Variants in FSTL5 observed in about 807,000 individuals in gnomAD.
The protein encoded by FSTL5 is follistatin-related protein 5.
In FSTL5, 62 loss-of-function variants were observed where a neutral mutation model predicts 89.1. That is an observed-to-expected ratio of 0.70 (90% CI 0.57 to 0.86). FSTL5 has a LOEUF of 0.86. Among genes scored for constraint, FSTL5 ranks in the 40% least tolerant of loss-of-function variants. The pLI, the probability that FSTL5 is intolerant of heterozygous loss-of-function variation, is 0.00. For missense variants in FSTL5, 1,057 were observed against 1,001.6 expected (o/e 1.06, Z -0.75); for synonymous variants, 383 against 346.2 (o/e 1.11, Z -1.18).
chr4:161,663,471 C>T (rs1228026224), intron 6 of FSTL5, among the ~76,000 whole-genome samples: 1 of 152,140 alleles, frequency 6.6e-6, no homozygotes, highest in Non-Finnish European at 1.5e-5. Context: ...GGGCCAGTCA[C>T]ATTTTAAAGC....
chr4:161,613,821 G>A (rs2126638077), intron 7 of FSTL5, among the ~76,000 whole-genome samples: 1 of 152,158 alleles, frequency 6.6e-6, no homozygotes, highest in East Asian at 1.9e-4. Context: ...AGTAAAAAAA[G>A]TACCTAAATC....
chr4:161,730,259 A>G (rs918571158), intron 6 of FSTL5, among the ~76,000 whole-genome samples: 1 of 152,056 alleles, frequency 6.6e-6, no homozygotes, highest in Non-Finnish European at 1.5e-5. Flanking sequence ...ATTATTTTGG[A>G]AACTCTAGTA....
intron 6 of FSTL5, among the ~76,000 whole-genome samples, chr4:161,729,606 A>G (rs1579052695): frequency 6.6e-6 from 1 of 152,204 alleles, no homozygotes; most frequent in South Asian, 2.1e-4. Flanking sequence ...AGGAAGAACA[A>G]AAGTAGATAT....
At chr4:161,729,425 A>G (rs1014540308) in intron 6 of FSTL5, among the ~76,000 whole-genome samples, 1 of 152,166 alleles carries the variant, frequency 6.6e-6, no homozygotes, top group Admixed American at 6.5e-5. Flanking sequence ...GATCATGTCC[A>G]GTTTTAAGCT....
At chr4:161,774,894 T>A (rs143928712) in intron 5 of FSTL5, among the ~76,000 whole-genome samples, 134 of 152,214 alleles carry the variant, frequency 8.8e-4, no homozygotes, top group African/African-American at 3.1e-3. Flanking sequence ...TAAATTCCAA[T>A]GCCTAGGATT....
chr4:162,083,191 A>G (rs1175030606), intron 2 of FSTL5, among the ~76,000 whole-genome samples: 1 of 151,826 alleles, frequency 6.6e-6, no homozygotes, highest in African/African-American at 2.4e-5. Flanking sequence ...TATCATTTAC[A>G]ATATTGATTT....
At chr4:161,766,974 T>C (rs1741036716) in intron 5 of FSTL5, among the ~76,000 whole-genome samples, 1 of 152,124 alleles carries the variant, frequency 6.6e-6, no homozygotes, top group Admixed American at 6.5e-5. Flanking sequence ...CCTTTGAATC[T>C]CAGGCCATTC....
chr4:162,123,406 C>T (rs558769070), intron 1 of FSTL5, among the ~76,000 whole-genome samples: 6 of 152,048 alleles, frequency 3.9e-5, no homozygotes, highest in African/African-American at 1.4e-4. Flanking sequence ...CAGAGAGATC[C>T]CAGAAAGAGA....
At chr4:161,865,191 T>C (rs1407812522) in intron 4 of FSTL5, among the ~76,000 whole-genome samples, 6 of 152,044 alleles carry the variant, frequency 3.9e-5, no homozygotes, top group African/African-American at 1.4e-4. Context: ...AAATACACAA[T>C]GCTCAGAAGA....
intron 7 of FSTL5, among the ~76,000 whole-genome samples, chr4:161,631,687 T>C (rs1434425653): frequency 1.3e-5 from 2 of 152,330 alleles, no homozygotes; most frequent in East Asian, 1.9e-4. Context: ...TTATTAGATT[T>C]ATTTAGTTAT....
At chr4:161,624,579 C>T (rs1735249317) in intron 7 of FSTL5, among the ~76,000 whole-genome samples, 1 of 151,494 alleles carries the variant, frequency 6.6e-6, no homozygotes, top group Non-Finnish European at 1.5e-5. Context: ...ATACTAAAAA[C>T]TTTAATACAT....
chr4:162,057,333 C>T (rs1738578358), intron 2 of FSTL5, among the ~76,000 whole-genome samples: 1 of 152,136 alleles, frequency 6.6e-6, no homozygotes, highest in Non-Finnish European at 1.5e-5. Flanking sequence ...CTCCGTCTCC[C>T]CTGCCATTAC....
chr4:161,592,364 T>C (rs1464161335), intron 7 of FSTL5, among the ~76,000 whole-genome samples: 1 of 152,018 alleles, frequency 6.6e-6, no homozygotes, highest in African/African-American at 2.4e-5. Flanking sequence ...CCATGGTGGT[T>C]TGCTGCACCC....
At chr4:161,850,264 C>T (rs1441781485) in intron 4 of FSTL5, among the ~76,000 whole-genome samples, 2 of 152,070 alleles carry the variant, frequency 1.3e-5, no homozygotes, top group African/African-American at 4.8e-5. Context: ...GAATAATAAC[C>T]GTGGGTTTTT....
intron 2 of FSTL5, among the ~76,000 whole-genome samples, chr4:162,074,526 A>C (rs1422941963): frequency 6.6e-6 from 1 of 151,776 alleles, no homozygotes; most frequent in Non-Finnish European, 1.5e-5. Context: ...TAACATATTA[A>C]ATTTCAATAA....
intron 8 of FSTL5, among the ~76,000 whole-genome samples, chr4:161,574,586 C>T (rs1298632665): frequency 6.6e-6 from 1 of 152,092 alleles, no homozygotes; most frequent in Non-Finnish European, 1.5e-5. Flanking sequence ...TTGTTCAACT[C>T]CCACTTATGA....
chr4:162,039,764 T>G (rs937345151), intron 2 of FSTL5, among the ~76,000 whole-genome samples: 2 of 151,956 alleles, frequency 1.3e-5, no homozygotes, highest in African/African-American at 4.8e-5. Flanking sequence ...AATAAATCAA[T>G]AAACATAAAA....
intron 1 of FSTL5, among the ~76,000 whole-genome samples, chr4:162,149,996 A>G (rs567813914): frequency 2.0e-5 from 3 of 152,288 alleles, no homozygotes; most frequent in Non-Finnish European, 2.9e-5. Context: ...AATTAAGGAA[A>G]TTTTTAATTT....
intron 10 of FSTL5, among the ~76,000 whole-genome samples, chr4:161,533,031 T>C (rs1327295650): frequency 2.0e-5 from 3 of 151,968 alleles, no homozygotes; most frequent in Non-Finnish European, 4.4e-5. Context: ...TTGAAATTAA[T>C]GAAAATAGAG....
Sources: gnomAD v4.1 joint callset for allele counts (sites outside exome capture counted in the v4.1 genomes callset) on GRCh38, gnomAD v4.1.1 for gene constraint, MANE v1.5 for transcripts, NCBI Gene and HGNC (gene_info 2026-07-23, HGNC 2026-07-21) for gene names.